Variants in PRDM11 observed in about 807,000 individuals in gnomAD.
The protein encoded by PRDM11 is PR domain-containing protein 11.
Under a neutral mutation model 97.8 loss-of-function variants are expected in PRDM11, and 20 were observed. The observed-to-expected ratio is 0.20, with a 90% confidence interval of 0.14 to 0.30. PRDM11 has a LOEUF of 0.30. PRDM11 is among the 10% of genes least tolerant of loss of function. The probability of loss-of-function intolerance (pLI) is 1.00; values close to 1 mark genes in which losing one functional copy is unlikely to be tolerated. For synonymous variants in PRDM11, 599 were observed against 637.7 expected (o/e 0.94, Z 0.91); for missense variants, 1,139 against 1,555.2 (o/e 0.73, Z 4.50).
intron 1 of PRDM11, among the ~76,000 whole-genome samples, chr11:45,174,526 G>A (rs765204734): frequency 6.6e-5 from 10 of 152,134 alleles, no homozygotes; most frequent in African/African-American, 9.7e-5. Flanking sequence ...GGTCCTTACC[G>A]ATTGATTGAT....
chr11:45,109,006 C>T (rs1852117629), intron 1 of PRDM11, among the ~76,000 whole-genome samples: 2 of 152,226 alleles, frequency 1.3e-5, no homozygotes, highest in Admixed American at 1.3e-4. Context: ...AGAAAGTTGC[C>T]TCTCCAGGAA....
Position 45,171,453 on chromosome 11 carries a change from A to G in PRDM11, c.-6-10308A>G, listed in dbSNP as rs1472134339. Among the ~76,000 whole-genome samples, 20 of 152,108 alleles carry G rather than the reference A, an allele frequency of 1.3e-4. 1 individual carries two copies. The highest frequency in any genetic ancestry group is 1.3e-3 in the Admixed American group (20 of 15,268). ...GTGCCAAATTGCTCTCCCTGATGCT[A>G]CTAGTTTACACTCCCACCAGCAATG... On this transcript the variant is annotated intron_variant, in intron 1 of 7. Coordinates refer to ENST00000683152, the MANE Select transcript of PRDM11 (RefSeq NM_001384648.1).
At chr11:45,206,278 C>T (rs1853506792) in intron 5 of PRDM11, among the ~76,000 whole-genome samples, 1 of 152,154 alleles carries the variant, frequency 6.6e-6, no homozygotes, top group South Asian at 2.1e-4. Context: ...AGTTTTTGCA[C>T]CGAGGCACAA....
chr11:45,099,349 G>A (rs1056067622), intron 1 of PRDM11, among the ~76,000 whole-genome samples: 4 of 151,788 alleles, frequency 2.6e-5, no homozygotes, highest in African/African-American at 9.7e-5. Flanking sequence ...TACTCCAGAG[G>A]CTGAGGCAGG....
chr11:45,148,821 G>A (rs937027240), intron 1 of PRDM11, among the ~76,000 whole-genome samples: 3 of 152,268 alleles, frequency 2.0e-5, no homozygotes, highest in East Asian at 3.9e-4. Flanking sequence ...AAAGAACACT[G>A]GGGTAGGAGT....
chr11:45,183,717 C>T (rs1448402811), intron 4 of PRDM11, among the ~76,000 whole-genome samples: 2 of 152,086 alleles, frequency 1.3e-5, no homozygotes, highest in African/African-American at 4.8e-5. Context: ...GGAAGGGTTA[C>T]CAAAGCAACT....
Position 45,227,206 on chromosome 11 carries a change from G to A in PRDM11, c.2581G>A (p.Ala861Thr), listed in dbSNP as rs1406877719. ...CAGCAGCCAGACCCAGCGGGCAGACGCCTCGGCCATCGCACTGGCCCTGCT... is the reference window on the plus strand; with the variant it reads ...CAGCAGCCAGACCCAGCGGGCAGACACCTCGGCCATCGCACTGGCCCTGCT... ...EVSSQTQRAD[A>T]SAIALALLQF... The change falls in exon 8 of 8, where the codon GCC becomes ACC. Residue 861 changes from alanine (A) to threonine (T), a missense_variant. By Grantham distance (58) the Ala-to-Thr change is moderately conservative. Coordinates refer to ENST00000683152, the MANE Select transcript of PRDM11 (RefSeq NM_001384648.1). The surrounding 1 kb of genome is among the most constrained non-coding windows in gnomAD (Gnocchi z 8.0). 7.2e-6 allele frequency: 11 copies of A among 1,533,834 alleles called. No homozygotes were observed. The highest frequency in any genetic ancestry group is 2.4e-5 in the East Asian group (1 of 40,924).
chr11:45,096,995 G>A (rs771845191), intron 1 of PRDM11, among the ~76,000 whole-genome samples: 16 of 152,212 alleles, frequency 1.1e-4, no homozygotes, highest in South Asian at 2.1e-4. Flanking sequence ...TCTGGCAAAC[G>A]GGGATAATGA....
chr11:45,209,814 G>C (rs1369227981), intron 5 of PRDM11, among the ~76,000 whole-genome samples: 1 of 152,220 alleles, frequency 6.6e-6, no homozygotes, highest in African/African-American at 2.4e-5. Flanking sequence ...TTATGTAGCA[G>C]CTCTGTCTGA....
In PRDM11 at chr11:45,146,763, C is replaced by G. The variant is rs190194785; in HGVS notation, c.-121C>G. ...TCGCCGGGGACCAGCGCGCCCGCAG[C>G]GCGGCCGCTCCCTCCGCGGGGGCCG... On this transcript the variant is annotated 5_prime_UTR_variant, in exon 1 of 8. Transcript: ENST00000683152. 1 of 146,938 alleles carries G rather than the reference C, an allele frequency of 6.8e-6. No homozygotes were observed. The highest frequency in any genetic ancestry group is 2.5e-5 in the African/African-American group (1 of 40,810). The allele number at this position is 146,938 out of a possible 1,614,324, so 9.1% of individuals were successfully genotyped here.
chr11:45,190,161 T>C (rs1852858833), intron 4 of PRDM11, among the ~76,000 whole-genome samples: 1 of 151,780 alleles, frequency 6.6e-6, no homozygotes, highest in Non-Finnish European at 1.5e-5. Flanking sequence ...TTTTTTTTTT[T>C]CTTGAGATGG....
intron 1 of PRDM11, among the ~76,000 whole-genome samples, chr11:45,176,419 T>C (rs1165374715): frequency 1.3e-5 from 2 of 152,188 alleles, no homozygotes; most frequent in African/African-American, 2.4e-5. Context: ...CTGATGTCTG[T>C]TATACTTTTA....
Position 45,226,869 on chromosome 11 carries a change from C to T in PRDM11, c.2244C>T (p.Ile748=). 1 of 1,533,970 alleles carries T rather than the reference C, an allele frequency of 6.5e-7. No individual in the cohort carries two copies. Among genetic ancestry groups the T allele is most frequent in the Non-Finnish European group, 8.7e-7 (1 of 1,146,740 alleles). The change falls in exon 8 of 8, where the codon ATC becomes ATT. Residue 748 remains isoleucine, a synonymous_variant. Coordinates refer to ENST00000683152, the MANE Select transcript of PRDM11 (RefSeq NM_001384648.1). The stretch of plus-strand genomic sequence containing the variant: ...TCCGTGCCAGCATGTTCATGACCAT[C>T]CGCAAGACGCTGCCCTGGCTGCTGT... ...ASLRASMFMT[I]RKTLPWLLCL...
rs553608975 is a variant in PRDM11 at position 45,197,842 on chromosome 11, T to C, written c.487-6869T>C. Among the ~76,000 whole-genome samples the C allele has an allele frequency of 1.6e-3, 243 of 151,244 alleles. 2 individuals are homozygous for C. Among genetic ancestry groups the C allele is most frequent in the African/African-American group, 5.6e-3 (229 of 41,124 alleles). ...ACAATGAGAACACTTGGACACGGGG[T>C]GGGGAACATCACACACCAGGGCCTG... On this transcript the variant is annotated intron_variant, in intron 4 of 7. Transcript: ENST00000683152.
Position 45,224,575 on chromosome 11 carries a change from C to A in PRDM11, c.1101C>A (p.Val367=), listed in dbSNP as rs1229367919. ...CCCAGGGGGAGGGGGACTGGAAGGTCCCCCAGGGGGTCTCCAAGGAGCCAG... is the reference window on the plus strand; with the variant it reads ...CCCAGGGGGAGGGGGACTGGAAGGTACCCCAGGGGGTCTCCAAGGAGCCAG... The part of the protein sequence containing the change: ...GQTQGEGDWK[V]PQGVSKEPGQ... The change falls in exon 7 of 8, where the codon GTC becomes GTA. Residue 367 remains valine (V), a synonymous_variant. Coordinates refer to ENST00000683152, the MANE Select transcript of PRDM11 (RefSeq NM_001384648.1). 1 of 1,614,020 alleles carries A rather than the reference C, an allele frequency of 6.2e-7. No homozygotes were observed. Among genetic ancestry groups the A allele is most frequent in the Admixed American group, 1.7e-5 (1 of 60,004 alleles).
At chr11:45,201,447 T>G (rs186778190) in intron 4 of PRDM11, among the ~76,000 whole-genome samples, 1 of 152,274 alleles carries the variant, frequency 6.6e-6, no homozygotes, top group Admixed American at 6.5e-5. Flanking sequence ...CCTTCCTGCC[T>G]TCCTTCCTTT....
rs1854465305 is a variant in PRDM11, at chr11:45,234,514, C to T, written c.*6355C>T. 1 of 152,332 alleles carries T rather than the reference C, an allele frequency of 6.6e-6. No homozygotes were observed. Among genetic ancestry groups the T allele is most frequent in the Non-Finnish European group, 1.5e-5 (1 of 68,180 alleles). 9.4% of individuals were successfully genotyped at this position (152,332 alleles called of 1,614,324 possible). A position where few individuals can be genotyped will look rare whatever the true frequency, so the allele number is the denominator to read the frequency against. ...TCTTGGGACACCCTCCAGTACCTGG[C>T]TCAAGAGAGACCAGGCCGGGCCGAG... On this transcript the variant is annotated 3_prime_UTR_variant, in exon 8 of 8. Transcript: ENST00000683152.
chr11:45,165,957 C>T (rs1262410560), intron 1 of PRDM11, among the ~76,000 whole-genome samples: 1 of 152,156 alleles, frequency 6.6e-6, no homozygotes, highest in Non-Finnish European at 1.5e-5. Context: ...CTTTGCATTG[C>T]ACAGACTCCA....
At chr11:45,174,196 A>G (rs1255921890) in intron 1 of PRDM11, among the ~76,000 whole-genome samples, 2 of 152,162 alleles carry the variant, frequency 1.3e-5, no homozygotes, top group African/African-American at 4.8e-5. Context: ...ACTCATCCAG[A>G]TTATAGCATG....
Sources: allele counts gnomAD v4.1 joint callset (sites outside exome capture counted in the v4.1 genomes callset), GRCh38; gene constraint gnomAD v4.1.1; non-coding constraint Gnocchi (gnomAD v3.1); transcripts MANE v1.5; gene names NCBI Gene and HGNC (gene_info 2026-07-23, HGNC 2026-07-21).